The following NRXN3 variants were observed in gnomAD, a reference collection of about 807,000 sequenced individuals.
The protein encoded by NRXN3 is neurexin 3, also known as neurexin III.
Under a neutral mutation model 137.6 loss-of-function variants are expected in NRXN3, and 32 were observed. The observed-to-expected ratio is 0.23, with a 90% confidence interval of 0.18 to 0.31. The LOEUF is 0.31. Ranked by LOEUF, NRXN3 falls within the 10% of genes least tolerant of loss-of-function variation. The pLI is 1.00. For missense variants in NRXN3, 1,574 were observed against 2,062.5 expected (o/e 0.76, Z 4.59); for synonymous variants, 798 against 784.5 (o/e 1.02, Z -0.29).
chr14:78,348,847 G>A (rs1322918142), intron 4 of NRXN3, among the ~76,000 whole-genome samples: 1 of 152,188 alleles, frequency 6.6e-6, no homozygotes, highest in African/African-American at 2.4e-5. Flanking sequence ...GTGAGGGTAG[G>A]ATATTTGCAG....
chr14:79,294,252 A>G (rs1598387165), intron 15 of NRXN3, among the ~76,000 whole-genome samples: 2 of 152,214 alleles, frequency 1.3e-5, no homozygotes, highest in African/African-American at 4.8e-5. Flanking sequence ...TTTTAAATCA[A>G]TGACTTGGTA....
chr14:79,432,315 G>A (rs2095773429), intron 15 of NRXN3, among the ~76,000 whole-genome samples: 2 of 152,112 alleles, frequency 1.3e-5, no homozygotes, highest in Non-Finnish European at 2.9e-5. Context: ...TGATCCATGA[G>A]ATTCAAATGT....
chr14:78,895,299 C>T (rs989691315), intron 10 of NRXN3, among the ~76,000 whole-genome samples: 5 of 151,908 alleles, frequency 3.3e-5, no homozygotes, highest in African/African-American at 9.7e-5. Context: ...TCTACATAAG[C>T]ACTTGCCGCT....
intron 4 of NRXN3, among the ~76,000 whole-genome samples, chr14:78,401,928 T>A (rs757994950): frequency 3.9e-5 from 6 of 152,256 alleles, no homozygotes; most frequent in Non-Finnish European, 8.8e-5. Flanking sequence ...AGAGCCTGCA[T>A]TCGATTCCAG....
intron 15 of NRXN3, among the ~76,000 whole-genome samples, chr14:79,019,475 C>T (rs147228628): frequency 2.3e-4 from 35 of 151,934 alleles, no homozygotes; most frequent in Non-Finnish European, 4.0e-4. Context: ...ACAAATAAAG[C>T]AGGGTAAGGA....
At chr14:79,380,242 A>C (rs1459847233) in intron 15 of NRXN3, among the ~76,000 whole-genome samples, 1 of 149,342 alleles carries the variant, frequency 6.7e-6, no homozygotes, top group Non-Finnish European at 1.5e-5. Flanking sequence ...ACATGTGCAC[A>C]GTGTGCAGGT....
intron 16 of NRXN3, among the ~76,000 whole-genome samples, chr14:79,489,030 T>C (rs1177402566): frequency 1.3e-5 from 2 of 152,174 alleles, no homozygotes; most frequent in Non-Finnish European, 2.9e-5. Context: ...TTATGAAAAT[T>C]AAATATGATC....
intron 4 of NRXN3, among the ~76,000 whole-genome samples, chr14:78,328,075 G>A (rs549479031): frequency 2.2e-4 from 34 of 152,224 alleles, no homozygotes; most frequent in African/African-American, 7.7e-4. Flanking sequence ...TCTGGGAAAC[G>A]TAGTTCAGCC....
At chr14:79,748,710 G>T (rs1432866206) in intron 19 of NRXN3, among the ~76,000 whole-genome samples, 2 of 151,734 alleles carry the variant, frequency 1.3e-5, no homozygotes, top group Non-Finnish European at 2.9e-5. Flanking sequence ...TTTCCTTGTT[G>T]TTCTTTTCTG....
intron 15 of NRXN3, among the ~76,000 whole-genome samples, chr14:79,464,323 T>G (rs1600685465): frequency 6.6e-6 from 1 of 152,314 alleles, no homozygotes; most frequent in Non-Finnish European, 1.5e-5. Flanking sequence ...ACATCATAAA[T>G]TCAGAATAAC....
intron 15 of NRXN3, among the ~76,000 whole-genome samples, chr14:79,463,581 G>T (rs1170488908): frequency 6.6e-6 from 1 of 151,944 alleles, no homozygotes; most frequent in Non-Finnish European, 1.5e-5. Flanking sequence ...ATACTGTGTT[G>T]GTTAAAACTC....
intron 15 of NRXN3, among the ~76,000 whole-genome samples, chr14:79,039,369 A>T (rs914975682): frequency 6.6e-6 from 1 of 152,170 alleles, no homozygotes; most frequent in Non-Finnish European, 1.5e-5. Context: ...GAGGATTAAT[A>T]TAACAGTTTC....
At chr14:79,713,584 CATATATAT>C (rs566107570) in intron 19 of NRXN3, among the ~76,000 whole-genome samples, 5 of 115,730 alleles carry the variant, frequency 4.3e-5, no homozygotes, top group Non-Finnish European at 9.2e-5. Flanking sequence ...TTTATATATA[CATATATAT>C]ATACATACAT....
intron 8 of NRXN3, among the ~76,000 whole-genome samples, chr14:78,779,172 T>C (rs2098759483): frequency 6.6e-6 from 1 of 152,042 alleles, no homozygotes; most frequent in Non-Finnish European, 1.5e-5. Context: ...TTTTAAAAAA[T>C]ACATCCTAAA....
intron 4 of NRXN3, among the ~76,000 whole-genome samples, chr14:78,398,479 A>G (rs978064898): frequency 7.2e-5 from 11 of 152,124 alleles, no homozygotes; most frequent in African/African-American, 1.9e-4. Flanking sequence ...CATTCAGGTA[A>G]AAGTCTAGGT....
rs1211626787 is a variant in NRXN3 at position 79,194,070 on chromosome 14, A to G, written c.3262+205929A>G. 3.3e-5 allele frequency among the ~76,000 whole-genome samples: 5 copies of G among 152,168 alleles called. No homozygotes were observed. The East Asian group carries it at 7.7e-4, about 23-fold the overall frequency. ...TTTTTAGTCTAATGTAATTAGCGCA[A>G]TTTTCAGAGGATATGTTTATATCAA... On this transcript the variant is annotated intron_variant, in intron 15 of 20. Coordinates refer to ENST00000335750, the MANE Select transcript of NRXN3 (RefSeq NM_001330195.2).
intron 19 of NRXN3, among the ~76,000 whole-genome samples, chr14:79,793,973 T>C (rs6574521): frequency 1 from 152,116 of 152,314 alleles, 75,962 homozygotes; most frequent in Middle Eastern, 1. Flanking sequence ...TCTTGATGCA[T>C]GCACATTCTA....
In NRXN3 at chr14:79,565,292, CAT is replaced by C. The variant is rs1567520138; in HGVS notation, c.3444+97891_3444+97892del. On this transcript the variant is annotated intron_variant, in intron 16 of 20. Transcript: ENST00000335750. ...GTGTGTGTGTATACATATACGCACA[CAT>C]GTGTATATACATATACACACACATG... is the stretch of plus-strand genomic sequence containing the variant. 1.4e-4 allele frequency among the ~76,000 whole-genome samples: 16 copies of C among 116,324 alleles called. No homozygotes were observed. The East Asian group carries it at 1.9e-3, about 14-fold the overall frequency. 76.3% of individuals were successfully genotyped at this position (116,324 alleles called of 152,430 possible).
In NRXN3 at chr14:78,880,962, A is replaced by C. The variant is rs185911303; in HGVS notation, c.2275+70618A>C. Among the ~76,000 whole-genome samples, 30 of 152,276 alleles carry C rather than the reference A, an allele frequency of 2.0e-4. 1 individual carries two copies. Among genetic ancestry groups the C allele is most frequent in the Admixed American group, 1.8e-3 (27 of 15,300 alleles). On this transcript the variant is annotated intron_variant, in intron 10 of 20. Coordinates refer to ENST00000335750, the MANE Select transcript of NRXN3 (RefSeq NM_001330195.2). ...TCATGGGAGGGACCCAGTGAGAAGT[A>C]ATTAAATCACGGGGGCAATTACCCT...
Sources: allele counts gnomAD v4.1 joint callset (sites outside exome capture counted in the v4.1 genomes callset), GRCh38; gene constraint gnomAD v4.1.1; transcripts MANE v1.5; gene names NCBI Gene and HGNC (gene_info 2026-07-23, HGNC 2026-07-21).